ASB4: variants seen among roughly 807,000 people sequenced by gnomAD.
ASB4 encodes the protein ankyrin repeat and SOCS box containing 4, also known as ankyrin repeat and SOCS box protein 4.
A neutral mutation model predicts 38.6 loss-of-function variants in ASB4; 35 were observed. The observed-to-expected ratio is 0.91, with a 90% CI of 0.69 to 1.20. The LOEUF is 1.20. Among genes scored for constraint, ASB4 ranks in the 50% most tolerant of loss-of-function variants. The pLI, the probability that ASB4 is intolerant of heterozygous loss-of-function variation, is 0.00. For synonymous variants in ASB4, 195 were observed against 201.3 expected, an observed-to-expected ratio of 0.97 and a Z score of 0.26; for missense variants, 557 against 527.2, an observed-to-expected ratio of 1.06 and a Z score of -0.55.
chr7:95,545,223 C>T (rs1584102810), downstream of ASB4, among the ~76,000 whole-genome samples: 1 of 152,296 alleles, frequency 6.6e-6, no homozygotes, highest in East Asian at 1.9e-4. Flanking sequence ...GAATTACACA[C>T]AGCTTTCATT....
intron 2 of ASB4, among the ~76,000 whole-genome samples, chr7:95,515,214 T>C (rs1411496477): frequency 1.6e-5 from 2 of 127,332 alleles, no homozygotes; most frequent in African/African-American, 3.5e-5. Flanking sequence ...TCTTTCTTTC[T>C]TTCTTTCTTT....
chr7:95,538,068 G>A lies in ASB4; in HGVS notation c.*309G>A, dbSNP rs1790920904. On this transcript the variant is annotated 3_prime_UTR_variant, in exon 5 of 5. Coordinates refer to ENST00000325885, the MANE Select transcript of ASB4 (RefSeq NM_016116.3). ...AAACTTCTTATATCTTATCTCATCTGAAATGGGACCCAGGTTTTCTTCCAA... is the reference window on the plus strand; with the variant it reads ...AAACTTCTTATATCTTATCTCATCTAAAATGGGACCCAGGTTTTCTTCCAA... 9.0e-6 allele frequency: 2 copies of A among 222,478 alleles called. No homozygotes were observed. Among genetic ancestry groups the A allele is most frequent in the South Asian group, 2.8e-4 (2 of 7,116 alleles). 13.8% of individuals were successfully genotyped at this position (222,478 alleles called of 1,614,324 possible).
intron 1 of ASB4, among the ~76,000 whole-genome samples, chr7:95,480,251 G>A (rs1011069227): frequency 4.6e-5 from 7 of 152,170 alleles, no homozygotes; most frequent in African/African-American, 1.7e-4. Context: ...CTTACTGTCT[G>A]TTTTTTTGTC....
At chr7:95,515,268 T>C (rs531146070) in intron 2 of ASB4, among the ~76,000 whole-genome samples, 400 of 25,186 alleles carry the variant, frequency 0.016, 4 homozygotes, top group African/African-American at 0.053. Flanking sequence ...TCTTTCTTTC[T>C]CTTTCTTTCT....
chr7:95,537,631 A>ATGCACT lies in ASB4; in HGVS notation c.1155_1160dup (p.His386_Leu387dup). On this transcript the variant is annotated inframe_insertion, in exon 5 of 5. Transcript: ENST00000325885. ...GTGCTGTAACTCTCCAAGGACTCTCATGCACTTATCGAGATGTGCCATTAG... is the reference window on the plus strand; with the variant it reads ...GTGCTGTAACTCTCCAAGGACTCTCATGCACTTGCACTTATCGAGATGTGCCATTAG... The ATGCACT allele has an allele frequency of 6.2e-7, 1 of 1,613,870 alleles. No homozygotes were observed. Among genetic ancestry groups the ATGCACT allele is most frequent in the Non-Finnish European group, 8.5e-7 (1 of 1,179,818 alleles).
intron 2 of ASB4, among the ~76,000 whole-genome samples, chr7:95,526,247 AGAACAAT>A (rs1269136227): frequency 1.3e-5 from 2 of 152,196 alleles, no homozygotes. Context: ...CAGGTGGGGA[AGAACAAT>A]GAACAGTTGT....
At chr7:95,522,026 A>G (rs1259947683) in intron 2 of ASB4, among the ~76,000 whole-genome samples, 2 of 151,962 alleles carry the variant, frequency 1.3e-5, no homozygotes, top group South Asian at 2.1e-4. Flanking sequence ...AGGTGTCAAT[A>G]TTTTCTGGAA....
rs186630255 is a variant in ASB4, at chr7:95,538,385, A to G, written c.*626A>G. 6.6e-6 allele frequency: 1 copy of G among 152,416 alleles called. No individual in the cohort carries two copies. The highest frequency in any genetic ancestry group is 1.5e-5 in the Non-Finnish European group (1 of 68,084). The allele number at this position is 152,416 out of a possible 1,614,324, so 9.4% of individuals were successfully genotyped here. On this transcript the variant is annotated 3_prime_UTR_variant, in exon 5 of 5. Transcript: ENST00000325885. ...TCAAGAATGGACATTTGAACCAGAC[A>G]TCACTGAGCCAGAGACTGGAGATGC...
chr7:95,494,909 T>C (rs1178423114), intron 1 of ASB4, among the ~76,000 whole-genome samples: 1 of 152,224 alleles, frequency 6.6e-6, no homozygotes, highest in Non-Finnish European at 1.5e-5. Context: ...GGCACATCTA[T>C]GCTTCCCCTG....
chr7:95,521,457 T>C (rs1790660693), intron 2 of ASB4, among the ~76,000 whole-genome samples: 1 of 152,108 alleles, frequency 6.6e-6, no homozygotes, highest in Non-Finnish European at 1.5e-5. Context: ...ACCTTTAAAC[T>C]CTACTGATGG....
intron 2 of ASB4, among the ~76,000 whole-genome samples, chr7:95,522,393 C>G (rs1409731476): frequency 7.0e-6 from 1 of 142,668 alleles, no homozygotes; most frequent in African/African-American, 2.6e-5. Context: ...TACACATGGG[C>G]TTAAGCAAAT....
At chr7:95,528,831 C>T (rs1584093235) in intron 3 of ASB4, 1 of 419,084 alleles carries the variant, frequency 2.4e-6, no homozygotes, top group Non-Finnish European at 3.2e-6. Flanking sequence ...ATTCTTACAA[C>T]AATCATACGA....
intron 1 of ASB4, among the ~76,000 whole-genome samples, chr7:95,488,738 A>G (rs924490847): frequency 6.6e-6 from 1 of 152,226 alleles, no homozygotes; most frequent in African/African-American, 2.4e-5. Context: ...GCTCTCCGCA[A>G]AAGTGCATAA....
the ASB4 span, among the ~76,000 whole-genome samples, chr7:95,551,265 G>A: frequency 6.6e-5 from 10 of 152,160 alleles, no homozygotes; most frequent in Non-Finnish European, 1.3e-4. Context: ...ACAAGCATGA[G>A]CCACTGCGCC....
rs748709125 is a variant in ASB4, at chr7:95,486,096, T to C, written c.125T>C (p.Ile42Thr). 5.6e-6 allele frequency: 9 copies of C among 1,614,006 alleles called. No homozygotes were observed. The highest frequency in any genetic ancestry group is 1.1e-5 in the South Asian group (1 of 91,084). Residue 42 changes from isoleucine to threonine, a missense_variant, in exon 1 of 5, where the codon ATA becomes ACA. Ile to Thr is a moderately conservative substitution (Grantham distance 89). Transcript: ENST00000325885. Reference protein sequence around the residue: ...KLKAILIQRQIDVDTVFEVED... With the variant: ...KLKAILIQRQTDVDTVFEVED... ...AAGGCTATTTTGATCCAAAGGCAAA[T>C]AGATGTGGACACTGTTTTTGAAGTC...
chr7:95,521,225 G>T (rs549597856), intron 2 of ASB4, among the ~76,000 whole-genome samples: 3 of 151,654 alleles, frequency 2.0e-5, no homozygotes, highest in Admixed American at 2.0e-4. Flanking sequence ...TTTCCTTTTT[G>T]AATATGACCT....
chr7:95,531,362 A>G (rs971596656), intron 3 of ASB4, among the ~76,000 whole-genome samples: 1 of 152,180 alleles, frequency 6.6e-6, no homozygotes, highest in African/African-American at 2.4e-5. Context: ...CACAAAGCAT[A>G]ATTTTCTGCA....
chr7:95,528,769 T>TGCTACC, intron 3 of ASB4: 2 of 875,692 alleles, frequency 2.3e-6, no homozygotes, highest in Non-Finnish European at 2.8e-6. Context: ...TTATATTTAT[T>TGCTACC]ATGTATAATA....
At chr7:95,530,199 C>T (rs1321633724) in intron 3 of ASB4, among the ~76,000 whole-genome samples, 1 of 150,870 alleles carries the variant, frequency 6.6e-6, no homozygotes, top group Non-Finnish European at 1.5e-5. Flanking sequence ...AGTGGCTCAC[C>T]CCTGTAATCC....
Sources: allele counts gnomAD v4.1 joint callset (sites outside exome capture counted in the v4.1 genomes callset), GRCh38; gene constraint gnomAD v4.1.1; transcripts MANE v1.5; gene names NCBI Gene and HGNC (gene_info 2026-07-23, HGNC 2026-07-21).